The following PNPLA4 variants were observed in gnomAD, a reference collection of about 807,000 sequenced individuals.
PNPLA4 encodes the protein patatin-like phospholipase domain-containing protein 4.
In PNPLA4, 15 loss-of-function variants were observed where a neutral mutation model predicts 18.3. The observed-to-expected ratio is 0.82, with a 90% CI of 0.55 to 1.26. The LOEUF (loss-of-function observed/expected upper bound fraction) is 1.26. Among genes scored for constraint, PNPLA4 ranks in the 50% most tolerant of loss-of-function variants. The pLI is 0.00. For missense variants in PNPLA4, 229 were observed against 196.8 expected, an observed-to-expected ratio of 1.16 and a Z score of -0.98; for synonymous variants, 88 against 85.6, an observed-to-expected ratio of 1.03 and a Z score of -0.16.
At chrX:7,908,492 G>A (rs749306525) in intron 5 of PNPLA4, among the ~76,000 whole-genome samples, 2 of 112,368 alleles carry the variant, frequency 1.8e-5, no homozygotes, top group Non-Finnish European at 3.8e-5. Context: ...ACGCTTCCCT[G>A]AAAATGGAAA....
chrX:7,918,192 T>C (rs766275850), intron 4 of PNPLA4, among the ~76,000 whole-genome samples: 75 of 111,436 alleles, frequency 6.7e-4, no homozygotes, highest in Middle Eastern at 4.6e-3. Context: ...CTGTATTAGT[T>C]CATTTTCACA....
intron 5 of PNPLA4, 126 bp from the exon 6 acceptor site, chrX:7,902,267 T>C (rs1358965009): frequency 1.6e-6 from 1 of 610,705 alleles, no homozygotes; most frequent in Non-Finnish European, 2.5e-6. Flanking sequence ...ACTAATCCCA[T>C]TGGGGATCTG....
intron 1 of PNPLA4, among the ~76,000 whole-genome samples, chrX:7,926,790 T>A (rs1451938371): frequency 8.9e-6 from 1 of 112,541 alleles, no homozygotes; most frequent in Non-Finnish European, 1.9e-5. Context: ...CACGCCACTT[T>A]ATACTTGGAA....
chrX:7,904,450 G>A (rs1371090676), intron 5 of PNPLA4, among the ~76,000 whole-genome samples: 5 of 111,564 alleles, frequency 4.5e-5, no homozygotes, highest in Non-Finnish European at 9.4e-5. Context: ...CAATGATACC[G>A]GCTCCTTCAC....
intron 4 of PNPLA4, among the ~76,000 whole-genome samples, chrX:7,919,619 T>C (rs998695283): frequency 5.3e-5 from 6 of 112,468 alleles, no homozygotes; most frequent in Middle Eastern, 4.6e-3. Context: ...CTCAGACCTT[T>C]AATTTAATCA....
intron 5 of PNPLA4, among the ~76,000 whole-genome samples, chrX:7,906,826 C>T (rs1271701088): frequency 1.8e-5 from 2 of 111,632 alleles, no homozygotes; most frequent in Non-Finnish European, 1.9e-5. Context: ...ACACAAGTGT[C>T]AATAATGAAA....
rs766526220 is a variant in PNPLA4 at position 7,913,460 on chromosome X, C to G, written c.412-1367G>C. 2.7e-5 allele frequency among the ~76,000 whole-genome samples: 3 copies of G among 112,410 alleles called. No individual in the cohort carries two copies. The South Asian group carries it at 1.1e-3, about 42-fold the overall frequency. On this transcript the variant is annotated intron_variant, in intron 4 of 6. Coordinates refer to ENST00000381042, the MANE Select transcript of PNPLA4 (RefSeq NM_004650.3). ...CTGGTTGTAACAGCTCCTATAGCAA[C>G]AGGCTCCTGACGAGTGCCCACAGAA... is the stretch of plus-strand genomic sequence containing the variant.
At position 7,900,358 on chromosome X, in the gene PNPLA4, C is replaced by A. The variant is rs1161847127; in HGVS notation, c.*328G>T. The A allele has an allele frequency of 7.7e-5, 10 of 130,652 alleles. No individual in the cohort carries two copies. Among genetic ancestry groups the A allele is most frequent in the Non-Finnish European group, 1.5e-5 (1 of 65,984 alleles). The allele number at this position is 130,652 out of a possible 1,213,427, so 10.8% of individuals were successfully genotyped here. A position where few individuals can be genotyped will look rare whatever the true frequency, so the allele number is the denominator to read the frequency against. ...ACGTCAAGATCATGCCACATATTCTCCATGGAACCTAAGTGGTGGCCCTCC... is the reference window on the plus strand; with the variant it reads ...ACGTCAAGATCATGCCACATATTCTACATGGAACCTAAGTGGTGGCCCTCC... On this transcript the variant is annotated 3_prime_UTR_variant, in exon 7 of 7. Coordinates refer to ENST00000381042, the MANE Select transcript of PNPLA4 (RefSeq NM_004650.3).
intron 4 of PNPLA4, among the ~76,000 whole-genome samples, chrX:7,914,892 C>A (rs1220058990): frequency 8.9e-6 from 1 of 111,883 alleles, no homozygotes. Context: ...ATGAAAAGTG[C>A]AATGAACTGG....
intron 6 of PNPLA4, among the ~76,000 whole-genome samples, 187 bp from the exon 7 acceptor site, chrX:7,901,004 T>C (rs1464545752): frequency 8.9e-5 from 10 of 111,848 alleles, no homozygotes; most frequent in African/African-American, 2.9e-4. Flanking sequence ...GCCTTGGTAC[T>C]GCTGACATTT....
At chrX:7,904,599 A>C (rs1923650591) in intron 5 of PNPLA4, among the ~76,000 whole-genome samples, 2 of 112,463 alleles carry the variant, frequency 1.8e-5, no homozygotes, top group South Asian at 7.4e-4. Context: ...GTTTCTGGAA[A>C]CAACCGTCAC....
At chrX:7,904,006 A>AC (rs1923631967) in intron 5 of PNPLA4, among the ~76,000 whole-genome samples, 1 of 110,445 alleles carries the variant, frequency 9.1e-6, no homozygotes, top group Non-Finnish European at 1.9e-5. Flanking sequence ...AGGTTTGCAA[A>AC]AAAAAAGGCT....
chrX:7,911,660 G>A (rs909111925), intron 5 of PNPLA4, among the ~76,000 whole-genome samples: 1 of 111,110 alleles, frequency 9.0e-6, no homozygotes, highest in African/African-American at 3.3e-5. Context: ...CGCATTGTCT[G>A]GGGGAGGACA....
At chrX:7,911,730 G>T (rs773033650) in intron 5 of PNPLA4, among the ~76,000 whole-genome samples, 30 of 110,399 alleles carry the variant, frequency 2.7e-4, no homozygotes, top group Non-Finnish European at 5.1e-4. Flanking sequence ...GCTTAGAAGG[G>T]GCTGTGAGTA....
intron 5 of PNPLA4, among the ~76,000 whole-genome samples, chrX:7,902,758 GAA>G (rs1275601054): frequency 9.0e-6 from 1 of 111,730 alleles, no homozygotes; most frequent in African/African-American, 3.3e-5. Flanking sequence ...GGAAGAAAAT[GAA>G]AGAGTCTTGG....
rs1404498951 is a variant in PNPLA4, at chrX:7,900,488, C to T, written c.*198G>A. On this transcript the variant is annotated 3_prime_UTR_variant, in exon 7 of 7. Coordinates refer to ENST00000381042, the MANE Select transcript of PNPLA4 (RefSeq NM_004650.3). ...TTCCTTATCACCTAAGTGTATCCTTCTTAATGACGTTGTCAAATTCTAATA... is the reference window on the plus strand; with the variant it reads ...TTCCTTATCACCTAAGTGTATCCTTTTTAATGACGTTGTCAAATTCTAATA... 1 of 296,654 alleles carries T rather than the reference C, an allele frequency of 3.4e-6. No homozygotes were observed. Among genetic ancestry groups the T allele is most frequent in the Non-Finnish European group, 5.9e-6 (1 of 168,097 alleles). 24.4% of individuals were successfully genotyped at this position (296,654 alleles called of 1,213,427 possible).
At chrX:7,901,573 C>A (rs780360548) in intron 6 of PNPLA4, among the ~76,000 whole-genome samples, 1 of 111,650 alleles carries the variant, frequency 9.0e-6, no homozygotes, top group Non-Finnish European at 1.9e-5. Context: ...GGGGACAGAG[C>A]AACACCCTCT....
chrX:7,909,893 C>T (rs749216547), intron 5 of PNPLA4, among the ~76,000 whole-genome samples: 9 of 111,679 alleles, frequency 8.1e-5, no homozygotes, highest in Non-Finnish European at 1.7e-4. Context: ...CCTAGCTGCA[C>T]AGCCACAGGT....
At chrX:7,920,675 C>G (rs1428773897) in intron 4 of PNPLA4, among the ~76,000 whole-genome samples, 1 of 112,034 alleles carries the variant, frequency 8.9e-6, no homozygotes, top group Non-Finnish European at 1.9e-5. Flanking sequence ...AGAAAAAATT[C>G]CAAGAGAAGT....
Sources: allele counts gnomAD v4.1 joint callset (sites outside exome capture counted in the v4.1 genomes callset), GRCh38; gene constraint gnomAD v4.1.1; transcripts MANE v1.5; gene names NCBI Gene and HGNC (gene_info 2026-07-23, HGNC 2026-07-21).